Variants in PDE10A observed in about 807,000 individuals in gnomAD.
PDE10A encodes the protein cAMP and cAMP-inhibited cGMP 3',5'-cyclic phosphodiesterase 10A.
A neutral mutation model predicts 97.7 loss-of-function variants in PDE10A; 39 were observed. The observed-to-expected ratio is 0.40, with a 90% CI of 0.31 to 0.52. PDE10A has a LOEUF of 0.52. Ranked by LOEUF, PDE10A falls within the 20% of genes least tolerant of loss-of-function variation. The pLI, the probability that PDE10A is intolerant of heterozygous loss-of-function variation, is 0.56. For missense variants in PDE10A, 731 were observed against 1,047.8 expected, an observed-to-expected ratio of 0.70 and a Z score of 4.17; for synonymous variants, 371 against 376.8, an observed-to-expected ratio of 0.98 and a Z score of 0.18.
intron 3 of PDE10A, among the ~76,000 whole-genome samples, chr6:165,467,421 C>CAAA (rs1380823749): frequency 6.6e-6 from 1 of 152,150 alleles, no homozygotes; most frequent in African/African-American, 2.4e-5. Context: ...GAACAGGTGA[C>CAAA]TCCCTTATTA....
intron 18 of PDE10A, 57 bp from the exon 19 acceptor site, chr6:165,343,559 A>C (rs1453827774): frequency 2.5e-5 from 29 of 1,171,432 alleles, no homozygotes; most frequent in Non-Finnish European, 3.6e-5. Context: ...TATAGTAAGG[A>C]CTAGAAAGAC....
intron 1 of PDE10A, among the ~76,000 whole-genome samples, chr6:165,906,368 T>C (rs904250765): frequency 6.6e-6 from 1 of 151,902 alleles, no homozygotes; most frequent in Non-Finnish European, 1.5e-5. Context: ...TCTCTACCAC[T>C]TGCCTTCTTC....
At chr6:165,598,941 G>C (rs1382393190) in intron 1 of PDE10A, among the ~76,000 whole-genome samples, 1 of 152,130 alleles carries the variant, frequency 6.6e-6, no homozygotes, top group Non-Finnish European at 1.5e-5. Context: ...TCTATGGAAT[G>C]CTCTCTTTTC....
At chr6:165,874,592 A>C (rs11753279) in intron 1 of PDE10A, among the ~76,000 whole-genome samples, 42,499 of 151,914 alleles carry the variant, frequency 0.28, 6,273 homozygotes, top group East Asian at 0.42. Flanking sequence ...AGCGTTACAC[A>C]AATAATGGTG....
At chr6:165,604,518 T>TAAATAAAAAA (rs1456758755) in intron 1 of PDE10A, among the ~76,000 whole-genome samples, 2 of 137,766 alleles carry the variant, frequency 1.5e-5, no homozygotes, top group African/African-American at 5.4e-5. Flanking sequence ...CTCTCTTTGT[T>TAAATAAAAAA]AAAAAAAAAA....
chr6:165,504,694 T>C (rs540528410), intron 2 of PDE10A, among the ~76,000 whole-genome samples: 5 of 152,100 alleles, frequency 3.3e-5, no homozygotes, highest in Non-Finnish European at 7.3e-5. Context: ...ATATTACTAA[T>C]AATAACCTAA....
Position 165,418,938 on chromosome 6 carries a change from T to C in PDE10A, c.1654-161A>G, listed in dbSNP as rs1034572296. ...AATATACAAGTATATAAATATTTCA[T>C]ATATATGATATAAAAGTCACTGTTA... is the stretch of plus-strand genomic sequence containing the variant. On this transcript the variant is annotated intron_variant, in intron 10 of 21. Coordinates refer to ENST00000539869, the MANE Select transcript of PDE10A (RefSeq NM_001385079.1). This position sits in a 1 kb window ranked among gnomAD's most constrained non-coding sequence, Gnocchi z 4.8. 2.6e-5 allele frequency among the ~76,000 whole-genome samples: 4 copies of C among 152,218 alleles called. No individual in the cohort carries two copies. Among genetic ancestry groups the C allele is most frequent in the African/African-American group, 9.6e-5 (4 of 41,460 alleles).
chr6:165,770,159 AG>A (rs1777964885), intron 1 of PDE10A, among the ~76,000 whole-genome samples: 1 of 103,312 alleles, frequency 9.7e-6, no homozygotes, highest in Non-Finnish European at 1.8e-5. Context: ...CTAATGCAAA[AG>A]GGCAAAAAAA....
chr6:165,933,925 C>A (rs761326312), intron 1 of PDE10A, among the ~76,000 whole-genome samples: 1 of 151,794 alleles, frequency 6.6e-6, no homozygotes, highest in East Asian at 1.9e-4. Flanking sequence ...GGTTTGTGAA[C>A]ATAAATTCTG....
chr6:165,575,585 A>G (rs1785263033), intron 1 of PDE10A, among the ~76,000 whole-genome samples: 1 of 152,152 alleles, frequency 6.6e-6, no homozygotes, highest in African/African-American at 2.4e-5. Flanking sequence ...AAAGATTTCT[A>G]AGACACTAAC....
chr6:165,640,921 C>G (rs950237956), intron 1 of PDE10A, among the ~76,000 whole-genome samples: 1 of 152,212 alleles, frequency 6.6e-6, no homozygotes, highest in Non-Finnish European at 1.5e-5. Flanking sequence ...AGAATAGTTG[C>G]ACACAGAACA....
intron 1 of PDE10A, among the ~76,000 whole-genome samples, chr6:165,968,695 T>C (rs1007616342): frequency 4.6e-5 from 7 of 152,316 alleles, no homozygotes; most frequent in African/African-American, 1.7e-4. Flanking sequence ...GTTTTGAAGA[T>C]GATTAACAGA....
intron 1 of PDE10A, among the ~76,000 whole-genome samples, chr6:165,725,099 A>G (rs1474879153): frequency 1.3e-5 from 2 of 152,200 alleles, no homozygotes; most frequent in Non-Finnish European, 2.9e-5. Flanking sequence ...GCCTGACTCC[A>G]GGGGAAGACC....
chr6:165,613,960 A>G (rs1237680675), intron 1 of PDE10A, among the ~76,000 whole-genome samples: 2 of 152,086 alleles, frequency 1.3e-5, no homozygotes, highest in African/African-American at 4.8e-5. Context: ...ACAGTCACGC[A>G]TCATTCACCC....
intron 1 of PDE10A, among the ~76,000 whole-genome samples, chr6:165,613,268 T>G (rs1296649066): frequency 6.6e-6 from 1 of 152,160 alleles, no homozygotes; most frequent in Non-Finnish European, 1.5e-5. Context: ...AGTATTCAAT[T>G]GACCAAATAC....
chr6:165,767,258 T>C (rs150637304), intron 1 of PDE10A, among the ~76,000 whole-genome samples: 35 of 152,370 alleles, frequency 2.3e-4, no homozygotes, highest in Non-Finnish European at 3.8e-4. Flanking sequence ...TGTAAATGTA[T>C]ACTTGTTTTA....
At chr6:165,516,647 T>A (rs572060837) in intron 2 of PDE10A, among the ~76,000 whole-genome samples, 2 of 152,320 alleles carry the variant, frequency 1.3e-5, no homozygotes, top group African/African-American at 4.8e-5. Context: ...CATAAATGGA[T>A]AAAAGAGTGA....
chr6:165,595,547 A>T (rs544754998), intron 1 of PDE10A, among the ~76,000 whole-genome samples: 1 of 152,372 alleles, frequency 6.6e-6, no homozygotes, highest in Non-Finnish European at 1.5e-5. Context: ...TCCTTATTTT[A>T]ATCAACTTAC....
intron 1 of PDE10A, chr6:165,576,569 T>C: frequency 2.9e-6 from 2 of 687,890 alleles, no homozygotes; most frequent in Non-Finnish European, 5.4e-6. Context: ...AAAAATCAAA[T>C]AACTAACAGA....
Sources: allele counts gnomAD v4.1 joint callset (sites outside exome capture counted in the v4.1 genomes callset), GRCh38; gene constraint gnomAD v4.1.1; non-coding constraint Gnocchi (gnomAD v3.1); transcripts MANE v1.5; gene names NCBI Gene and HGNC (gene_info 2026-07-23, HGNC 2026-07-21).